EIF2B3: variants seen among roughly 807,000 people sequenced by gnomAD.
EIF2B3 encodes the protein eukaryotic translation initiation factor 2B subunit gamma.
In EIF2B3, 20 loss-of-function variants were observed where a neutral mutation model predicts 54.1. That is an observed-to-expected ratio of 0.37 (90% CI 0.26 to 0.54). The LOEUF is 0.54. Ranked by LOEUF, EIF2B3 falls within the 20% of genes least tolerant of loss-of-function variation. The pLI is 0.86. For synonymous variants in EIF2B3, 153 were observed against 188.1 expected, an observed-to-expected ratio of 0.81 and a Z score of 1.52; for missense variants, 448 against 547.8, an observed-to-expected ratio of 0.82 and a Z score of 1.82.
intron 6 of EIF2B3, among the ~76,000 whole-genome samples, chr1:44,890,953 A>G (rs1230322107): frequency 6.6e-6 from 1 of 151,958 alleles, no homozygotes; most frequent in African/African-American, 2.4e-5. Context: ...ACTTCTCTTC[A>G]TCTTTACTGC....
At chr1:44,854,594 T>C (rs1455808933) in intron 11 of EIF2B3, among the ~76,000 whole-genome samples, 1 of 151,106 alleles carries the variant, frequency 6.6e-6, no homozygotes, top group African/African-American at 2.4e-5. Context: ...TATGTCTTTT[T>C]TTTTTTTTTT....
At chr1:44,918,476 G>A (rs998494741) in intron 5 of EIF2B3, among the ~76,000 whole-genome samples, 3 of 151,072 alleles carry the variant, frequency 2.0e-5, no homozygotes, top group African/African-American at 7.3e-5. Context: ...TGTAACCTCC[G>A]CCTCCCAGGT....
chr1:44,850,921 C>CA lies in EIF2B3; in HGVS notation c.*29dup, dbSNP rs2148889839. The CA allele has an allele frequency of 6.2e-7, 1 of 1,613,786 alleles. No homozygotes were observed. Among genetic ancestry groups the CA allele is most frequent in the Non-Finnish European group, 8.5e-7 (1 of 1,179,792 alleles). On this transcript the variant is annotated 3_prime_UTR_variant, in exon 12 of 12. Transcript: ENST00000360403. ...GGCCAACATCTGTGGCTTTGGAGGC[C>CA]AAAAGGAAGGAGTCTGACTTGCTCA...
At chr1:44,927,148 A>C (rs1457653546) in intron 4 of EIF2B3, among the ~76,000 whole-genome samples, 1 of 152,120 alleles carries the variant, frequency 6.6e-6, no homozygotes, top group Non-Finnish European at 1.5e-5. Context: ...CAAAAAAAAA[A>C]AACAGGATTG....
intron 11 of EIF2B3, among the ~76,000 whole-genome samples, chr1:44,855,973 C>T (rs1654418683): frequency 6.6e-6 from 1 of 152,084 alleles, no homozygotes; most frequent in Non-Finnish European, 1.5e-5. Flanking sequence ...ATGTGTAGTT[C>T]TGCTATGGGG....
intron 10 of EIF2B3, 70 bp from the exon 11 acceptor site, chr1:44,857,877 G>A (rs1654487870): frequency 2.0e-6 from 3 of 1,482,668 alleles, no homozygotes; most frequent in Non-Finnish European, 2.8e-6. Flanking sequence ...ATTGGTTGGG[G>A]GTTCTGGCTC....
At chr1:44,950,814 G>A (rs1348983953) in intron 3 of EIF2B3, among the ~76,000 whole-genome samples, 2 of 152,094 alleles carry the variant, frequency 1.3e-5, no homozygotes, top group South Asian at 2.1e-4. Context: ...TCAGCTTCCA[G>A]AGTAGCTAGG....
At chr1:44,865,158 G>A (rs540884996) in intron 10 of EIF2B3, among the ~76,000 whole-genome samples, 1 of 150,296 alleles carries the variant, frequency 6.7e-6, no homozygotes, top group Admixed American at 6.7e-5. Flanking sequence ...GGTGGAGGTT[G>A]CAGTGAGCTG....
rs768263508 is a variant in EIF2B3 at position 44,877,192 on chromosome 1, TAAAAAAAAAAAA to T, written c.976-1509_976-1498del. ...GCGAGAAACACCCAAGAATGATCAA[TAAAAAAAAAAAA>T]AAAAAAAAAAAAAAAAAACACCTTA... On this transcript the variant is annotated intron_variant, in intron 8 of 11. Coordinates refer to ENST00000360403, the MANE Select transcript of EIF2B3 (RefSeq NM_020365.5). Among the ~76,000 whole-genome samples, 18 of 52,082 alleles carry T rather than the reference TAAAAAAAAAAAA, an allele frequency of 3.5e-4. No individual in the cohort carries two copies. In the South Asian group the frequency reaches 4.1e-3, roughly 12 times the overall value. 34.2% of individuals were successfully genotyped at this position (52,082 alleles called of 152,430 possible).
intron 4 of EIF2B3, among the ~76,000 whole-genome samples, chr1:44,936,050 T>C (rs936963967): frequency 3.3e-5 from 5 of 151,732 alleles, no homozygotes; most frequent in African/African-American, 1.2e-4. Flanking sequence ...ACTCAGTAAG[T>C]AGTATCAAGC....
chr1:44,969,745 T>C (rs1205806891), intron 3 of EIF2B3, among the ~76,000 whole-genome samples: 1 of 152,238 alleles, frequency 6.6e-6, no homozygotes, highest in Non-Finnish European at 1.5e-5. Flanking sequence ...AGTTTTAAAA[T>C]TTCCATATAA....
chr1:44,859,880 C>G (rs1314716184), intron 10 of EIF2B3, among the ~76,000 whole-genome samples: 1 of 151,862 alleles, frequency 6.6e-6, no homozygotes, highest in Admixed American at 6.6e-5. Context: ...CCTCAGCCCC[C>G]CAAGTAGCTG....
intron 3 of EIF2B3, among the ~76,000 whole-genome samples, chr1:44,974,173 A>AT (rs879618727): frequency 1.1e-3 from 164 of 145,936 alleles, no homozygotes; most frequent in South Asian, 2.0e-3. Context: ...CAATGAGACA[A>AT]TTTTTTTTTT....
chr1:44,890,613 A>T (rs1655762734), intron 6 of EIF2B3, among the ~76,000 whole-genome samples: 1 of 152,142 alleles, frequency 6.6e-6, no homozygotes, highest in African/African-American at 2.4e-5. Context: ...AACTGCTTTG[A>T]CTTTCGAAAA....
rs892067105 is a variant in EIF2B3 at position 44,916,648 on chromosome 1, T to C, written c.566+9980A>G. On this transcript the variant is annotated intron_variant, in intron 5 of 11. Coordinates refer to ENST00000360403, the MANE Select transcript of EIF2B3 (RefSeq NM_020365.5). The stretch of plus-strand genomic sequence containing the variant: ...CCAGCCTGGGCAATATAATGAGACT[T>C]CCTCGCAACAAAAAACAAACAAAAA... 1.3e-4 allele frequency among the ~76,000 whole-genome samples: 19 copies of C among 149,970 alleles called. 1 individual carries two copies. Among genetic ancestry groups the C allele is most frequent in the Non-Finnish European group, 2.5e-4 (17 of 67,436 alleles).
At chr1:44,919,611 A>G (rs948587233) in intron 5 of EIF2B3, among the ~76,000 whole-genome samples, 2 of 151,270 alleles carry the variant, frequency 1.3e-5, no homozygotes, top group Admixed American at 1.3e-4. Context: ...TTTCTGACCT[A>G]TTCCAGTGTG....
intron 4 of EIF2B3, chr1:44,932,408 C>T (rs539054921): frequency 6.6e-6 from 1 of 152,090 alleles, no homozygotes; most frequent in Non-Finnish European, 1.5e-5. Flanking sequence ...TGGAAGTCTG[C>T]TTAGGAATAC....
chr1:44,978,621 CTTTTTTT>C (rs57964686), intron 2 of EIF2B3, among the ~76,000 whole-genome samples, 161 bp from the exon 3 acceptor site: 17 of 76,636 alleles, frequency 2.2e-4, no homozygotes, highest in African/African-American at 6.5e-4. Context: ...CCAATAAATT[CTTTTTTT>C]TTTTTTTTTT....
intron 4 of EIF2B3, among the ~76,000 whole-genome samples, chr1:44,927,035 G>A (rs775140011): frequency 2.3e-4 from 35 of 151,878 alleles, no homozygotes; most frequent in Non-Finnish European, 4.6e-4. Context: ...TTGGGAGGCT[G>A]AGGCAGGAGA....
Sources: allele counts gnomAD v4.1 joint callset (sites outside exome capture counted in the v4.1 genomes callset), GRCh38; gene constraint gnomAD v4.1.1; transcripts MANE v1.5; gene names NCBI Gene and HGNC (gene_info 2026-07-23, HGNC 2026-07-21).